Variants in TENM4 observed in about 807,000 individuals in gnomAD.
The protein encoded by TENM4 is teneurin transmembrane protein 4.
Under a neutral mutation model 243.3 loss-of-function variants are expected in TENM4, and 82 were observed. That is an observed-to-expected ratio of 0.34 (90% CI 0.28 to 0.40). The LOEUF (loss-of-function observed/expected upper bound fraction) is 0.40, where lower values mean the gene tolerates loss of function less well. TENM4 is among the 10% of genes least tolerant of loss of function. The pLI, the probability that TENM4 is intolerant of heterozygous loss-of-function variation, is 1.00. For missense variants in TENM4, 3,138 were observed against 3,673.3 expected, an observed-to-expected ratio of 0.85 and a Z score of 3.77; for synonymous variants, 1,412 against 1,456.3, an observed-to-expected ratio of 0.97 and a Z score of 0.69.
chr11:79,144,915 TAAC>T (rs996505206), intron 4 of TENM4, among the ~76,000 whole-genome samples: 54 of 152,110 alleles, frequency 3.6e-4, no homozygotes, highest in African/African-American at 3.4e-4. Flanking sequence ...CATTTAAAAA[TAAC>T]AAACTGTATA....
chr11:78,965,648 G>A (rs967490329), intron 6 of TENM4, among the ~76,000 whole-genome samples: 3 of 152,180 alleles, frequency 2.0e-5, no homozygotes, highest in Non-Finnish European at 2.9e-5. Flanking sequence ...GGGTGAGAAC[G>A]GCAGAACGGC....
intron 23 of TENM4, 48 bp downstream of exon 23, chr11:78,726,031 C>A (rs1373100872): frequency 1.2e-6 from 2 of 1,606,858 alleles, no homozygotes; most frequent in South Asian, 1.1e-5. Context: ...GGATATGAGA[C>A]AAGGTTCCAC....
chr11:79,139,118 C>A (rs62653120), intron 4 of TENM4, among the ~76,000 whole-genome samples: 22,437 of 31,836 alleles, frequency 0.7, 8,452 homozygotes, highest in Non-Finnish European at 0.75. Context: ...TATTATATTT[C>A]TATAAATATA....
intron 9 of TENM4, among the ~76,000 whole-genome samples, chr11:78,868,836 T>C (rs995381477): frequency 1.3e-5 from 2 of 152,096 alleles, no homozygotes; most frequent in Non-Finnish European, 2.9e-5. Context: ...TTGATTCAAG[T>C]GGCATTTTTG....
intron 6 of TENM4, among the ~76,000 whole-genome samples, chr11:78,953,158 T>C (rs604186): frequency 0.41 from 62,993 of 152,024 alleles, 14,268 homozygotes; most frequent in Middle Eastern, 0.53. Flanking sequence ...CAGCACTCCA[T>C]CGCTGGAACT....
chr11:79,087,890 C>T (rs1350942395), intron 4 of TENM4, among the ~76,000 whole-genome samples: 1 of 152,192 alleles, frequency 6.6e-6, no homozygotes, highest in Non-Finnish European at 1.5e-5. Flanking sequence ...CTACAGTGGG[C>T]TCTTGTGGGC....
chr11:78,731,502 T>C (rs1855667792), intron 21 of TENM4, among the ~76,000 whole-genome samples: 1 of 152,194 alleles, frequency 6.6e-6, no homozygotes, highest in South Asian at 2.1e-4. Flanking sequence ...CCGCAATCCA[T>C]TAATAGGCAC....
At chr11:79,054,556 T>C (rs1591245143) in intron 6 of TENM4, among the ~76,000 whole-genome samples, 1 of 151,714 alleles carries the variant, frequency 6.6e-6, no homozygotes, top group African/African-American at 2.4e-5. Context: ...TAGAGTTCAG[T>C]GGTGTAATCA....
At chr11:79,070,326 G>GGAATATT (rs1860379672) in intron 4 of TENM4, among the ~76,000 whole-genome samples, 1 of 152,150 alleles carries the variant, frequency 6.6e-6, no homozygotes, top group Non-Finnish European at 1.5e-5. Flanking sequence ...TAGGAACCAA[G>GGAATATT]CCTGTTTGGT....
intron 4 of TENM4, among the ~76,000 whole-genome samples, chr11:79,109,707 G>A (rs1057252053): frequency 2.0e-5 from 3 of 152,192 alleles, no homozygotes; most frequent in African/African-American, 7.2e-5. Context: ...TTCTGAACCC[G>A]CTGCCTTCCA....
intron 1 of TENM4, chr11:79,402,053 G>A (rs1858473411): frequency 2.1e-6 from 1 of 467,122 alleles, no homozygotes; most frequent in South Asian, 1.7e-5. Flanking sequence ...CAGTCTAGTT[G>A]TGTTCATGTG....
chr11:79,411,543 C>T (rs1449281986), intron 1 of TENM4, among the ~76,000 whole-genome samples: 1 of 152,208 alleles, frequency 6.6e-6, no homozygotes, highest in Non-Finnish European at 1.5e-5. Flanking sequence ...CCCTCCTGGC[C>T]TTGCGCTGCA....
chr11:78,782,405 G>A (rs1469324707), intron 16 of TENM4, among the ~76,000 whole-genome samples: 1 of 151,948 alleles, frequency 6.6e-6, no homozygotes. Context: ...TGAGATCAGC[G>A]TGACCAACAT....
At position 78,669,506 on chromosome 11, in the gene TENM4, G is replaced by A; in HGVS notation, c.6839C>T (p.Ala2280Val). Reference sequence around the variant, plus strand: ...ACTCCAGCTGCCAGCCCGGTTGTAGGCCTTGATGAGCAGGCCAGCTGAGTT... The same window carrying A: ...ACTCCAGCTGCCAGCCCGGTTGTAGACCTTGATGAGCAGGCCAGCTGAGTT... ...EYNSAGLLIK[A>V]YNRAGSWSVR... The change falls in exon 32 of 34, where the codon GCC becomes GTC. Residue 2280 changes from alanine to valine, a missense_variant. This residue lies in a region of TENM4 where 2,467 missense variants were observed against 3,059.1 expected (regional missense o/e 0.81). Transcript: ENST00000278550. The surrounding 1 kb of genome is among the most constrained non-coding windows in gnomAD (Gnocchi z 6.4). 1 of 1,613,930 alleles carries A rather than the reference G, an allele frequency of 6.2e-7. No individual in the cohort carries two copies.
At chr11:79,085,106 C>T (rs1048366549) in intron 4 of TENM4, among the ~76,000 whole-genome samples, 1 of 151,984 alleles carries the variant, frequency 6.6e-6, no homozygotes, top group Non-Finnish European at 1.5e-5. Context: ...GGTGTAGTGG[C>T]TCATGCCTGT....
At chr11:78,709,695 A>G (rs148611639) in intron 26 of TENM4, among the ~76,000 whole-genome samples, 33 of 152,306 alleles carry the variant, frequency 2.2e-4, no homozygotes, top group African/African-American at 7.0e-4. Flanking sequence ...TTGGGTGATA[A>G]TGACACAAAC....
intron 6 of TENM4, among the ~76,000 whole-genome samples, chr11:78,995,100 T>C (rs954939057): frequency 6.6e-6 from 1 of 152,196 alleles, no homozygotes; most frequent in Non-Finnish European, 1.5e-5. Context: ...GCCTCCTCTA[T>C]GATATATGCA....
At chr11:78,705,092 A>G (rs1859212601) in intron 27 of TENM4, among the ~76,000 whole-genome samples, 1 of 152,234 alleles carries the variant, frequency 6.6e-6, no homozygotes, top group African/African-American at 2.4e-5. Context: ...CATCAGGAAC[A>G]CAGTTTGCTC....
chr11:79,131,681 C>G (rs1862005994), intron 4 of TENM4, among the ~76,000 whole-genome samples: 1 of 152,176 alleles, frequency 6.6e-6, no homozygotes, highest in South Asian at 2.1e-4. Flanking sequence ...GAATGCAATG[C>G]TGTCTCACAT....
Sources: gnomAD v4.1 joint callset for allele counts (sites outside exome capture counted in the v4.1 genomes callset) on GRCh38, gnomAD v4.1.1 for gene constraint, gnomAD v4.1.1 regional missense constraint, Gnocchi (gnomAD v3.1) non-coding constraint, MANE v1.5 for transcripts, NCBI Gene and HGNC (gene_info 2026-07-23, HGNC 2026-07-21) for gene names.